Variants in RNF214 observed in about 807,000 individuals in gnomAD.
The protein encoded by RNF214 is ring finger protein 214.
A neutral mutation model predicts 75.9 loss-of-function variants in RNF214; 25 were observed. The ratio of observed to expected loss-of-function variants is 0.33; its 90% CI spans 0.24 to 0.46. The LOEUF (loss-of-function observed/expected upper bound fraction) is 0.46, where lower values mean the gene tolerates loss of function less well. Ranked by LOEUF, RNF214 falls within the 20% of genes least tolerant of loss-of-function variation. The pLI is 1.00. For synonymous variants in RNF214, 314 were observed against 308.8 expected, an observed-to-expected ratio of 1.02 and a Z score of -0.18; for missense variants, 725 against 857.5, an observed-to-expected ratio of 0.85 and a Z score of 1.93.
chr11:117,268,928 A>T (rs2033851716), intron 6 of RNF214, among the ~76,000 whole-genome samples: 1 of 152,212 alleles, frequency 6.6e-6, no homozygotes, highest in South Asian at 2.1e-4. Context: ...CTAAAAATTA[A>T]CTGACAGAAG....
At chr11:117,263,201 G>C (rs1000240595) in intron 6 of RNF214, among the ~76,000 whole-genome samples, 2 of 151,954 alleles carry the variant, frequency 1.3e-5, no homozygotes, top group African/African-American at 4.8e-5. Context: ...TGTTATTATA[G>C]GGGAGGGAAA....
Position 117,234,255 on chromosome 11 carries a change from C to A in RNF214, c.-6-12C>A. 1 of 1,595,420 alleles carries A rather than the reference C, an allele frequency of 6.3e-7. No individual in the cohort carries two copies. The highest frequency in any genetic ancestry group is 8.6e-7 in the Non-Finnish European group (1 of 1,163,286). On this transcript the variant is annotated splice_polypyrimidine_tract_variant and intron_variant, in intron 1 of 14. Transcript: ENST00000300650. ...GAAACTTGTAGCCTGTAATTTGTTTCTGAATGTACAGAGCATAATGGCAGC... is the reference window on the plus strand; with the variant it reads ...GAAACTTGTAGCCTGTAATTTGTTTATGAATGTACAGAGCATAATGGCAGC...
Position 117,244,578 on chromosome 11 carries a change from A to C in RNF214, c.812A>C (p.Asn271Thr), listed in dbSNP as rs1347216272. The change falls in exon 5 of 15, where the codon AAT becomes ACT. Residue 271 changes from asparagine (N) to threonine (T), a missense_variant. By Grantham distance (65) the Asn-to-Thr change is moderately conservative. Around this residue, in one of 2 missense-constraint regions of RNF214, gnomAD observed 362 missense variants for 344.5 expected, o/e 1.05. Coordinates refer to ENST00000300650, the MANE Select transcript of RNF214 (RefSeq NM_207343.4). The part of the protein sequence containing the change: ...LQQRREEEMK[N>T]HQEILKAIQD... ...CAAAGGAGAGAAGAGGAAATGAAGA[A>C]TCACCAGGTATTTTGCTTATATTGA... 6.2e-7 allele frequency: 1 copy of C among 1,604,114 alleles called. No homozygotes were observed. Among genetic ancestry groups the C allele is most frequent in the Admixed American group, 1.7e-5 (1 of 57,748 alleles).
intron 4 of RNF214, among the ~76,000 whole-genome samples, chr11:117,244,223 C>T (rs115586505): frequency 0.012 from 1,865 of 152,092 alleles, 44 homozygotes; most frequent in African/African-American, 0.041. Context: ...GCAAGTGATC[C>T]GCCCGCCTCA....
At chr11:117,273,102 T>A (rs1045724932) in intron 6 of RNF214, among the ~76,000 whole-genome samples, 5 of 152,110 alleles carry the variant, frequency 3.3e-5, no homozygotes, top group Admixed American at 3.3e-4. Flanking sequence ...TAAATCTCTT[T>A]CATGGAAGAA....
chr11:117,280,101 T>C (rs2034096668), intron 7 of RNF214, 70 bp from the exon 8 acceptor site: 9 of 1,500,098 alleles, frequency 6.0e-6, no homozygotes, highest in Non-Finnish European at 8.3e-6. Flanking sequence ...AAGCATTTGT[T>C]TTCACTACCT....
At chr11:117,257,123 G>A (rs187717542) in intron 6 of RNF214, among the ~76,000 whole-genome samples, 1 of 152,268 alleles carries the variant, frequency 6.6e-6, no homozygotes, top group East Asian at 1.9e-4. Flanking sequence ...GATTACTTGA[G>A]CGCAGGAGTT....
At chr11:117,237,228 C>T (rs766442738) in intron 2 of RNF214, among the ~76,000 whole-genome samples, 5 of 152,120 alleles carry the variant, frequency 3.3e-5, no homozygotes, top group Admixed American at 6.5e-5. Context: ...TACAGGTGCA[C>T]GCCACTACAC....
intron 4 of RNF214, among the ~76,000 whole-genome samples, chr11:117,244,021 G>A (rs562408144): frequency 1.3e-5 from 2 of 152,230 alleles, no homozygotes; most frequent in African/African-American, 2.4e-5. Context: ...TTGCTCTGTC[G>A]CCTAGGCTAA....
intron 6 of RNF214, among the ~76,000 whole-genome samples, chr11:117,251,159 C>T (rs2033370985): frequency 6.7e-6 from 1 of 150,038 alleles, no homozygotes. Flanking sequence ...GGTGGCCTGG[C>T]AGAGGGGCTC....
intron 2 of RNF214, among the ~76,000 whole-genome samples, chr11:117,234,939 G>A (rs1168267086): frequency 5.3e-5 from 8 of 152,100 alleles, no homozygotes; most frequent in Non-Finnish European, 1.2e-4. Context: ...ATCTGGGATA[G>A]GCATATGCCC....
intron 6 of RNF214, among the ~76,000 whole-genome samples, chr11:117,264,651 T>A (rs1035455228): frequency 1.3e-5 from 2 of 152,300 alleles, no homozygotes; most frequent in African/African-American, 4.8e-5. Context: ...TATATTACAG[T>A]TTACTTTATG....
At chr11:117,283,560 C>CA (rs1229654651) in intron 14 of RNF214, among the ~76,000 whole-genome samples, 1 of 152,008 alleles carries the variant, frequency 6.6e-6, no homozygotes, top group Non-Finnish European at 1.5e-5. Flanking sequence ...AGGGTTTCAC[C>CA]ATATTGGCCA....
At chr11:117,263,763 C>G (rs902347821) in intron 6 of RNF214, 1 of 167,186 alleles carries the variant, frequency 6.0e-6, no homozygotes, top group East Asian at 1.8e-4. Flanking sequence ...ATGGTGAATA[C>G]AAATTGCCTT....
Position 117,280,157 on chromosome 11 carries a change from T to C in RNF214, c.1057-14T>C. The stretch of plus-strand genomic sequence containing the variant: ...AAAATTAATAAAGTATTTATATGTG[T>C]GTGGCTTCCTTAGATCTTATCACTA... On this transcript the variant is annotated splice_polypyrimidine_tract_variant and intron_variant, in intron 7 of 14. Coordinates refer to ENST00000300650, the MANE Select transcript of RNF214 (RefSeq NM_207343.4). 1.9e-6 allele frequency: 3 copies of C among 1,600,000 alleles called. No homozygotes were observed. Among genetic ancestry groups the C allele is most frequent in the Non-Finnish European group, 1.7e-6 (2 of 1,168,246 alleles).
intron 6 of RNF214, among the ~76,000 whole-genome samples, chr11:117,272,567 C>T (rs2033935087): frequency 6.6e-6 from 1 of 151,814 alleles, no homozygotes; most frequent in African/African-American, 2.4e-5. Flanking sequence ...AACAAACCTA[C>T]ATATTCTGCA....
intron 6 of RNF214, among the ~76,000 whole-genome samples, chr11:117,272,559 C>G (rs2134409045): frequency 6.6e-6 from 1 of 151,750 alleles, no homozygotes; most frequent in South Asian, 2.1e-4. Context: ...ACCTATGTAA[C>G]AAACCTACAT....
At chr11:117,270,226 C>A (rs981540041) in intron 6 of RNF214, among the ~76,000 whole-genome samples, 6 of 98,646 alleles carry the variant, frequency 6.1e-5, no homozygotes, top group East Asian at 2.7e-4. Flanking sequence ...TTTCAATTTT[C>A]TTTTCTTTTC....
At chr11:117,241,891 A>G (rs1389761497) in intron 4 of RNF214, among the ~76,000 whole-genome samples, 1 of 152,246 alleles carries the variant, frequency 6.6e-6, no homozygotes, top group Non-Finnish European at 1.5e-5. Flanking sequence ...AATAGTACAG[A>G]TACAGTATAA....
Sources: gnomAD v4.1 joint callset for allele counts (sites outside exome capture counted in the v4.1 genomes callset) on GRCh38, gnomAD v4.1.1 for gene constraint, gnomAD v4.1.1 regional missense constraint, MANE v1.5 for transcripts, NCBI Gene and HGNC (gene_info 2026-07-23, HGNC 2026-07-21) for gene names.